XRCC1: variants seen among roughly 807,000 people sequenced by gnomAD.
XRCC1 encodes X-ray repair cross complementing 1.
In XRCC1, 52 loss-of-function variants were observed where a neutral mutation model predicts 83.3. The ratio of observed to expected loss-of-function variants is 0.62; its 90% CI spans 0.50 to 0.79. The LOEUF (loss-of-function observed/expected upper bound fraction) is 0.79. Ranked by LOEUF, XRCC1 falls within the 30% of genes least tolerant of loss-of-function variation. XRCC1 has a pLI of 0.00. For missense variants in XRCC1, 793 were observed against 823.5 expected (o/e 0.96, Z 0.45); for synonymous variants, 281 against 312.6 (o/e 0.90, Z 1.07).
At chr19:43,546,027 C>A (rs777862720) in intron 13 of XRCC1, 25 bp downstream of exon 13, 18 of 1,613,740 alleles carry the variant, frequency 1.1e-5, no homozygotes, top group Non-Finnish European at 1.5e-5. Flanking sequence ...GCCAGGGACA[C>A]CCCAACCCCC....
intron 2 of XRCC1, among the ~76,000 whole-genome samples, chr19:43,564,713 G>C (rs571660316): frequency 1.3e-5 from 2 of 151,262 alleles, no homozygotes; most frequent in East Asian, 3.9e-4. Context: ...GCTTAAACCG[G>C]GGGGGCGGAG....
In XRCC1 at chr19:43,553,598, G is replaced by A. The variant is rs369512243; in HGVS notation, c.489+11C>T. 1.2e-6 allele frequency: 2 copies of A among 1,606,308 alleles called. No homozygotes were observed. Among genetic ancestry groups the A allele is most frequent in the African/African-American group, 2.7e-5 (2 of 74,572 alleles). On this transcript the variant is annotated intron_variant, in intron 5 of 16. Transcript: ENST00000262887. ...GGGAGAAGGCCATGGGGAGTGACAG[G>A]TACAGCTTACCTGGGACGGGGCCTC...
chr19:43,546,829 G>A lies in XRCC1; in HGVS notation c.1293+55C>T, dbSNP rs25483. 1.4e-3 allele frequency: 2,304 copies of A among 1,604,214 alleles called. 29 individuals carry two copies. The East Asian group carries it at 0.028, about 19-fold the overall frequency. ...AGTGGGAAGTTTGGGGTGCCACAGC[G>A]GACTCATGTCATCCTCCCACTACAC... On this transcript the variant is annotated intron_variant, in intron 11 of 16. Coordinates refer to ENST00000262887, the MANE Select transcript of XRCC1 (RefSeq NM_006297.3).
In XRCC1 at chr19:43,575,347, T is replaced by C. The variant is rs541229195; in HGVS notation, c.51+61A>G. The C allele has an allele frequency of 1.5e-5, 22 of 1,505,208 alleles. No homozygotes were observed. In the African/African-American group the frequency reaches 2.8e-4, roughly 19 times the overall value. 93.2% of individuals were successfully genotyped at this position (1,505,208 alleles called of 1,614,324 possible). Reference sequence around the variant, plus strand: ...TTCCAAGAGAACCCCAAAAGCTCTTTTAAGAGCTATCCTCATTAATTCCCT... The same window carrying C: ...TTCCAAGAGAACCCCAAAAGCTCTTCTAAGAGCTATCCTCATTAATTCCCT... On this transcript the variant is annotated intron_variant, in intron 1 of 16. Transcript: ENST00000262887.
In XRCC1 at chr19:43,543,697, G is replaced by C. The variant is rs765036552; in HGVS notation, c.1713-10C>G. The C allele has an allele frequency of 6.2e-7, 1 of 1,613,594 alleles. No homozygotes were observed. The highest frequency in any genetic ancestry group is 1.7e-5 in the Admixed American group (1 of 59,990). ...ATAGTCCTCGAGCTCCCTGGCGGGA[G>C]AGAAGAAAAGAGGTAGAAGGCACAT... On this transcript the variant is annotated splice_polypyrimidine_tract_variant and intron_variant, in intron 15 of 16. Coordinates refer to ENST00000262887, the MANE Select transcript of XRCC1 (RefSeq NM_006297.3).
chr19:43,571,446 T>C (rs1972805797), intron 2 of XRCC1, among the ~76,000 whole-genome samples: 1 of 152,136 alleles, frequency 6.6e-6, no homozygotes, highest in African/African-American at 2.4e-5. Context: ...ATCCAACATA[T>C]GTTTCACTGA....
In XRCC1 at chr19:43,552,040, C is replaced by A; in HGVS notation, c.1059G>T (p.Trp353Cys). The A allele has an allele frequency of 6.2e-7, 1 of 1,614,032 alleles. No homozygotes were observed. The highest frequency in any genetic ancestry group is 8.5e-7 in the Non-Finnish European group (1 of 1,179,952). The change falls in exon 9 of 17, where the codon TGG becomes TGT. Residue 353 changes from tryptophan (W) to cysteine (C), a missense_variant. Physicochemically the swap from Trp to Cys is radical, Grantham distance 215 (BLOSUM62 -2). Coordinates refer to ENST00000262887, the MANE Select transcript of XRCC1 (RefSeq NM_006297.3). ...LELGAKYRPD[W>C]TRDSTHLICA... ...ACATGAGGTGCGTGCTGTCCCGGGT[C>A]CAGTCTGGCCGATACTTGGCCCCAA...
intron 2 of XRCC1, among the ~76,000 whole-genome samples, chr19:43,573,183 CT>C (rs1171374276): frequency 6.6e-6 from 1 of 152,034 alleles, no homozygotes; most frequent in Non-Finnish European, 1.5e-5. Flanking sequence ...ATTCACCCAC[CT>C]CGACCTCCCA....
At position 43,561,034 on chromosome 19, in the gene XRCC1, G is replaced by C. The variant is rs372185525; in HGVS notation, c.145-14C>G. ...CTCCTTCTCCAACTGTGGGCAGAGAGAGAGGCCACTGTCAGTGCCTGCTCT... is the reference window on the plus strand; with the variant it reads ...CTCCTTCTCCAACTGTGGGCAGAGACAGAGGCCACTGTCAGTGCCTGCTCT... On this transcript the variant is annotated splice_polypyrimidine_tract_variant and intron_variant, in intron 2 of 16. Coordinates refer to ENST00000262887, the MANE Select transcript of XRCC1 (RefSeq NM_006297.3). 6 of 1,602,006 alleles carry C rather than the reference G, an allele frequency of 3.7e-6. No individual in the cohort carries two copies. The African/African-American group carries it at 6.7e-5, about 18-fold the overall frequency.
chr19:43,552,668 C>T, intron 8 of XRCC1, 129 bp downstream of exon 8: 1 of 898,568 alleles, frequency 1.1e-6, no homozygotes, highest in Admixed American at 3.1e-5. Flanking sequence ...AGCCCCTCCT[C>T]CCTCAGACCC....
At chr19:43,558,523 G>T (rs918083504) in intron 3 of XRCC1, among the ~76,000 whole-genome samples, 1 of 151,354 alleles carries the variant, frequency 6.6e-6, no homozygotes, top group African/African-American at 2.4e-5. Flanking sequence ...TAGCTACTTG[G>T]GGGGCTGAGG....
chr19:43,562,861 C>G (rs1335116015), intron 2 of XRCC1, among the ~76,000 whole-genome samples: 1 of 152,220 alleles, frequency 6.6e-6, no homozygotes, highest in Non-Finnish European at 1.5e-5. Context: ...CAGACTCCTG[C>G]TAATAATACA....
At chr19:43,559,035 G>A (rs1263365061) in intron 3 of XRCC1, among the ~76,000 whole-genome samples, 1 of 152,016 alleles carries the variant, frequency 6.6e-6, no homozygotes. Flanking sequence ...CAGCTACTCA[G>A]GAGGCTGAGG....
At chr19:43,574,260 G>T (rs1972832376) in intron 2 of XRCC1, among the ~76,000 whole-genome samples, 1 of 152,004 alleles carries the variant, frequency 6.6e-6, no homozygotes, top group Non-Finnish European at 1.5e-5. Context: ...AATTTTGGTA[G>T]AGATGACATC....
rs139599857 is a variant in XRCC1 at position 43,545,922 on chromosome 19, C to G, written c.1517G>C (p.Gly506Ala). 2.1e-5 allele frequency: 34 copies of G among 1,613,840 alleles called. No homozygotes were observed. Among genetic ancestry groups the G allele is most frequent in the Non-Finnish European group, 2.8e-5 (33 of 1,179,932 alleles). ...AEQKEHRLPPGQEENGEDPYA... is the reference protein window; with the variant it reads ...AEQKEHRLPPAQEENGEDPYA... ...CGGGTCTTCCCCATTCTCCTCCTGG[C>G]CAGGGGGCAGTCTGTGTTCCTTCTG... The change falls in exon 14 of 17, where the codon GGC becomes GCC. Residue 506 changes from glycine to alanine, a missense_variant. By Grantham distance (60) the Gly-to-Ala change is moderately conservative. Transcript: ENST00000262887.
At chr19:43,547,484 G>A (rs1318820392) in intron 10 of XRCC1, among the ~76,000 whole-genome samples, 6 of 127,844 alleles carry the variant, frequency 4.7e-5, no homozygotes, top group African/African-American at 1.8e-4. Flanking sequence ...ACTCCTGGCC[G>A]CTTTTTTTTT....
At chr19:43,546,151 G>A (rs1285339975) in intron 12 of XRCC1, 45 bp from the exon 13 acceptor site, 10 of 1,609,720 alleles carry the variant, frequency 6.2e-6, no homozygotes, top group African/African-American at 1.3e-5. Context: ...TTGTCTCCTG[G>A]GAAGACTGGC....
At chr19:43,570,882 G>A (rs767346529) in intron 2 of XRCC1, among the ~76,000 whole-genome samples, 1 of 152,224 alleles carries the variant, frequency 6.6e-6, no homozygotes, top group Non-Finnish European at 1.5e-5. Context: ...ATTAGCATTT[G>A]ATGAATCCAG....
At chr19:43,557,101 G>A (rs1972644444) in intron 3 of XRCC1, among the ~76,000 whole-genome samples, 1 of 151,946 alleles carries the variant, frequency 6.6e-6, no homozygotes, top group Non-Finnish European at 1.5e-5. Context: ...GAGGTCAGGA[G>A]ATCGAGACCA....
Sources: allele counts gnomAD v4.1 joint callset (sites outside exome capture counted in the v4.1 genomes callset), GRCh38; gene constraint gnomAD v4.1.1; transcripts MANE v1.5; gene names NCBI Gene and HGNC (gene_info 2026-07-23, HGNC 2026-07-21).